The following CUX1 variants were observed in gnomAD, a reference collection of about 807,000 sequenced individuals.
The protein encoded by CUX1 is cut like homeobox 1.
Under a neutral mutation model 158.8 loss-of-function variants are expected in CUX1, and 31 were observed. The observed-to-expected ratio is 0.20, with a 90% CI of 0.15 to 0.26. The LOEUF (loss-of-function observed/expected upper bound fraction) is 0.26. CUX1 is among the 10% of genes least tolerant of loss of function. The probability of loss-of-function intolerance (pLI) is 1.00; values close to 1 mark genes in which losing one functional copy is unlikely to be tolerated. For missense variants in CUX1, 1,589 were observed against 2,014.6 expected, an observed-to-expected ratio of 0.79 and a Z score of 4.04; for synonymous variants, 879 against 862.1, an observed-to-expected ratio of 1.02 and a Z score of -0.34.
chr7:102,059,875 A>G (rs987396301), intron 3 of CUX1, among the ~76,000 whole-genome samples: 1 of 152,106 alleles, frequency 6.6e-6, no homozygotes, highest in African/African-American at 2.4e-5. Context: ...CGATTTGAAA[A>G]TTCTTTTAAT....
rs540422419 is a variant in CUX1, at chr7:102,175,707, C to T, written c.829-2762C>T. ...TCCCCCCTCCTGTGGCTCAGCCCCA[C>T]GTGCCACTGTCCTGGTCCTCCTACC... On this transcript the variant is annotated intron_variant, in intron 10 of 23. Transcript: ENST00000292535. Among the ~76,000 whole-genome samples, 101 of 152,286 alleles carry T rather than the reference C, an allele frequency of 6.6e-4. 2 individuals carry two copies. Among genetic ancestry groups the T allele is most frequent in the South Asian group, 1.2e-3 (6 of 4,828 alleles).
chr7:101,898,325 T>A (rs1050092528), intron 1 of CUX1, among the ~76,000 whole-genome samples: 4 of 152,166 alleles, frequency 2.6e-5, no homozygotes, highest in Non-Finnish European at 4.4e-5. Flanking sequence ...GCCTTTTCAT[T>A]TTTATTCCAG....
intron 1 of CUX1, among the ~76,000 whole-genome samples, chr7:101,900,317 C>T (rs1056193128): frequency 2.0e-5 from 3 of 152,202 alleles, no homozygotes; most frequent in Non-Finnish European, 4.4e-5. Flanking sequence ...TGGCAGCCAG[C>T]GGTACCGGTG....
rs573381448 is a variant in CUX1 at position 102,025,398 on chromosome 7, C to T, written c.142-2700C>T. ...TCCACAGCACTTCAGGAGACCAAGGCAGGCATATCGCTTGAACCTGGGAGT... is the reference window on the plus strand; with the variant it reads ...TCCACAGCACTTCAGGAGACCAAGGTAGGCATATCGCTTGAACCTGGGAGT... On this transcript the variant is annotated intron_variant, in intron 2 of 23. Coordinates refer to ENST00000292535, the MANE Select transcript of CUX1 (RefSeq NM_181552.4). Among the ~76,000 whole-genome samples, 3 of 152,302 alleles carry T rather than the reference C, an allele frequency of 2.0e-5. No individual in the cohort carries two copies. In the East Asian group the frequency reaches 5.8e-4, roughly 29 times the overall value.
At chr7:101,893,439 A>C (rs903273827) in intron 1 of CUX1, among the ~76,000 whole-genome samples, 6 of 152,184 alleles carry the variant, frequency 3.9e-5, no homozygotes, top group African/African-American at 1.4e-4. Context: ...AAAGTTCTGG[A>C]AACATCAGCT....
At chr7:102,123,603 C>T (rs569973179) in intron 8 of CUX1, among the ~76,000 whole-genome samples, 19 of 129,788 alleles carry the variant, frequency 1.5e-4, no homozygotes, top group Admixed American at 7.6e-4. Context: ...AGTGAGACTC[C>T]GTCTCAAAAA....
chr7:102,171,435 T>C (rs1314434335), intron 10 of CUX1, among the ~76,000 whole-genome samples: 1 of 151,762 alleles, frequency 6.6e-6, no homozygotes, highest in Non-Finnish European at 1.5e-5. Flanking sequence ...TCCCTCAGTT[T>C]TGGGTTTTTT....
chr7:101,891,371 A>G (rs562936432), intron 1 of CUX1, among the ~76,000 whole-genome samples: 152 of 152,264 alleles, frequency 1.0e-3, no homozygotes, highest in African/African-American at 3.4e-3. Flanking sequence ...GGTGCTCACC[A>G]CCAGGCCCAG....
chr7:102,068,655 G>A (rs1455810256), intron 3 of CUX1, among the ~76,000 whole-genome samples: 1 of 152,154 alleles, frequency 6.6e-6, no homozygotes, highest in Non-Finnish European at 1.5e-5. Context: ...CAAACTGCCC[G>A]GTGGCTCAGG....
intron 2 of CUX1, among the ~76,000 whole-genome samples, chr7:101,990,892 G>T (rs762776958): frequency 6.6e-6 from 1 of 152,156 alleles, no homozygotes; most frequent in Non-Finnish European, 1.5e-5. Context: ...TCACAGCGCC[G>T]CTCAGGTCCC....
Position 101,842,613 on chromosome 7 carries a change from CG to C in CUX1, c.30+24946del, listed in dbSNP as rs551567244. The stretch of plus-strand genomic sequence containing the variant: ...GTTGCTCAGGCTGGTCTTTAACTCC[CG>C]GACTCAAGTGATCCTCTTGCCTCAG... On this transcript the variant is annotated intron_variant, in intron 1 of 23. Coordinates refer to ENST00000292535, the MANE Select transcript of CUX1 (RefSeq NM_181552.4). 1.1e-3 allele frequency among the ~76,000 whole-genome samples: 172 copies of C among 152,178 alleles called. 2 individuals are homozygous for C. The East Asian group carries it at 0.014, about 12-fold the overall frequency.
At chr7:102,125,933 A>G (rs1237377398) in intron 8 of CUX1, among the ~76,000 whole-genome samples, 1 of 151,916 alleles carries the variant, frequency 6.6e-6, no homozygotes, top group African/African-American at 2.4e-5. Context: ...GGTTCAAGCA[A>G]TCTTCCCACC....
At chr7:102,189,254 A>T (rs1251490030) in intron 11 of CUX1, among the ~76,000 whole-genome samples, 1 of 151,580 alleles carries the variant, frequency 6.6e-6, no homozygotes, top group African/African-American at 2.4e-5. Flanking sequence ...ACACCAGGAA[A>T]GCCTCTCCTC....
chr7:102,013,274 G>GATAAATAGATCT (rs1209148703), intron 2 of CUX1, among the ~76,000 whole-genome samples: 1 of 152,180 alleles, frequency 6.6e-6, no homozygotes, highest in Non-Finnish European at 1.5e-5. Flanking sequence ...TCAAGATGGA[G>GATAAATAGATCT]ATAAATAGAT....
intron 1 of CUX1, among the ~76,000 whole-genome samples, chr7:101,871,616 C>A (rs1271646400): frequency 6.6e-6 from 1 of 152,016 alleles, no homozygotes; most frequent in Non-Finnish European, 1.5e-5. Context: ...TGCAGATGTG[C>A]ATGGGTGGTG....
At chr7:101,895,219 C>T (rs557235029) in intron 1 of CUX1, among the ~76,000 whole-genome samples, 30 of 152,196 alleles carry the variant, frequency 2.0e-4, no homozygotes, top group Non-Finnish European at 3.2e-4. Flanking sequence ...CGGGGTTTCG[C>T]CATTTTGGCC....
At position 102,254,257 on chromosome 7, in the gene CUX1, TAAGATCCATC is replaced by T; in HGVS notation, c.*5217_*5226del. The T allele has an allele frequency of 1.0e-6, 1 of 985,406 alleles. No homozygotes were observed. Among genetic ancestry groups the T allele is most frequent in the Non-Finnish European group, 1.2e-6 (1 of 829,960 alleles). 61.0% of individuals were successfully genotyped at this position (985,406 alleles called of 1,614,324 possible). ...TTTCTGTCCAGTCCTGCTCAGCTGT[TAAGATCCATC>T]ATGGCCATTATCCTTGTCCCGGACT... On this transcript the variant is annotated 3_prime_UTR_variant, in exon 24 of 24. Transcript: ENST00000292535.
exon 17 of CUX1, chr7:102,275,339 C>A: frequency 6.2e-7 from 1 of 1,612,848 alleles, no homozygotes; most frequent in Non-Finnish European, 8.5e-7. Flanking sequence ...CTTCCGTGCC[C>A]GGAACCAGGA....
At chr7:101,835,314 GC>G (rs1794507337) in intron 1 of CUX1, among the ~76,000 whole-genome samples, 1 of 152,148 alleles carries the variant, frequency 6.6e-6, no homozygotes, top group South Asian at 2.1e-4. Flanking sequence ...ATTGACTCAT[GC>G]ACCTGTCTGG....
Sources: allele counts gnomAD v4.1 joint callset (sites outside exome capture counted in the v4.1 genomes callset), GRCh38; gene constraint gnomAD v4.1.1; transcripts MANE v1.5; gene names NCBI Gene and HGNC (gene_info 2026-07-23, HGNC 2026-07-21).